TMIGD3: variants seen among roughly 807,000 people sequenced by gnomAD.
The protein encoded by TMIGD3 is transmembrane and immunoglobulin domain containing 3.
A neutral mutation model predicts 28.1 loss-of-function variants in TMIGD3; 21 were observed. The ratio of observed to expected loss-of-function variants is 0.75; its 90% CI spans 0.53 to 1.08. The LOEUF is 1.08. Ranked by LOEUF, TMIGD3 falls within the 50% of genes least tolerant of loss-of-function variation. The probability of loss-of-function intolerance (pLI) is 0.00; values close to 1 mark genes in which losing one functional copy is unlikely to be tolerated. For synonymous variants in TMIGD3, 151 were observed against 162.1 expected (o/e 0.93, Z 0.52); for missense variants, 416 against 435.6 (o/e 0.96, Z 0.40).
intron 1 of TMIGD3, among the ~76,000 whole-genome samples, chr1:111,511,961 T>A (rs771663082): frequency 1.3e-5 from 2 of 152,140 alleles, no homozygotes; most frequent in African/African-American, 2.4e-5. Context: ...GAGTAAGATG[T>A]AACACCAGAG....
chr1:111,506,524 G>T (rs1440577788), upstream of TMIGD3, among the ~76,000 whole-genome samples: 1 of 152,258 alleles, frequency 6.6e-6, no homozygotes, highest in Non-Finnish European at 1.5e-5. Flanking sequence ...GGCGAAGCCA[G>T]CATTCAAACC....
At chr1:111,550,702 C>T (rs539753709) in intron 1 of TMIGD3, among the ~76,000 whole-genome samples, 1 of 152,330 alleles carries the variant, frequency 6.6e-6, no homozygotes, top group Non-Finnish European at 1.5e-5. Flanking sequence ...CACTATGTTG[C>T]CCAGCAGGCC....
rs895761196 is a variant in TMIGD3, at chr1:111,489,637, CG to C, written c.458-614del. On this transcript the variant is annotated intron_variant, in intron 2 of 5. Transcript: ENST00000369716. ...ATGGAGGCCTCCTACCATTGCTTGA[CG>C]GAGGGCCTTGAAGAGCCTGAGGCTT... 7.0e-6 allele frequency: 8 copies of C among 1,136,492 alleles called. No homozygotes were observed. In the Middle Eastern group the frequency reaches 7.4e-4, roughly 104 times the overall value. The allele number at this position is 1,136,492 out of a possible 1,614,324, so 70.4% of individuals were successfully genotyped here. A position where few individuals can be genotyped will look rare whatever the true frequency, so the allele number is the denominator to read the frequency against.
At chr1:111,522,949 C>T (rs533561030) in intron 1 of TMIGD3, among the ~76,000 whole-genome samples, 169 of 152,312 alleles carry the variant, frequency 1.1e-3, no homozygotes, top group African/African-American at 3.8e-3. Flanking sequence ...AAGTCATACT[C>T]ATCCCTTTTC....
chr1:111,532,222 G>T (rs1656481585), intron 1 of TMIGD3, among the ~76,000 whole-genome samples: 1 of 151,966 alleles, frequency 6.6e-6, no homozygotes, highest in South Asian at 2.1e-4. Context: ...TCTCTCTCTG[G>T]GTACAACTCT....
intron 1 of TMIGD3, among the ~76,000 whole-genome samples, chr1:111,548,679 G>A (rs1188164532): frequency 1.3e-5 from 2 of 152,124 alleles, no homozygotes. Flanking sequence ...AAATGGATGT[G>A]GATGGTCTGC....
At chr1:111,495,240 G>A (rs1654837437) in intron 1 of TMIGD3, among the ~76,000 whole-genome samples, 2 of 152,128 alleles carry the variant, frequency 1.3e-5, no homozygotes, top group Non-Finnish European at 2.9e-5. Flanking sequence ...CTAATATCCA[G>A]CATCTATAAG....
chr1:111,532,419 A>G (rs1656488277), intron 1 of TMIGD3, among the ~76,000 whole-genome samples: 1 of 152,182 alleles, frequency 6.6e-6, no homozygotes, highest in African/African-American at 2.4e-5. Flanking sequence ...TCTCATTTGC[A>G]CTCGCCAGAA....
At chr1:111,500,647 G>T in intron 1 of TMIGD3, 4 of 1,239,128 alleles carry the variant, frequency 3.2e-6, no homozygotes. Context: ...AGAGAGGTGA[G>T]ATAAGGCATA....
At chr1:111,507,007 A>ATGTGTG (rs1491528638), upstream of TMIGD3, among the ~76,000 whole-genome samples, 2 of 79,768 alleles carry the variant, frequency 2.5e-5, no homozygotes, top group East Asian at 4.4e-4. Context: ...ATACACACAC[A>ATGTGTG]TATGTGTGTG....
At chr1:111,548,386 T>G (rs1456693527) in intron 1 of TMIGD3, among the ~76,000 whole-genome samples, 1 of 152,224 alleles carries the variant, frequency 6.6e-6, no homozygotes, top group Non-Finnish European at 1.5e-5. Context: ...ATCATACTGG[T>G]AAAACTATAT....
upstream of TMIGD3, among the ~76,000 whole-genome samples, chr1:111,506,011 C>G (rs1429861685): frequency 6.6e-6 from 1 of 152,174 alleles, no homozygotes; most frequent in Non-Finnish European, 1.5e-5. Flanking sequence ...TGCACACACT[C>G]TTTGTCTGGT....
chr1:111,506,122 T>C (rs1337330955), upstream of TMIGD3, among the ~76,000 whole-genome samples: 1 of 152,172 alleles, frequency 6.6e-6, no homozygotes, highest in African/African-American at 2.4e-5. Flanking sequence ...AGTCTTCACC[T>C]CTCCTCTGGG....
At chr1:111,491,393 C>G (rs1246469815) in intron 1 of TMIGD3, among the ~76,000 whole-genome samples, 1 of 152,242 alleles carries the variant, frequency 6.6e-6, no homozygotes, top group Non-Finnish European at 1.5e-5. Flanking sequence ...AGCAGCTTCT[C>G]CTGATTCTAA....
intron 1 of TMIGD3, among the ~76,000 whole-genome samples, chr1:111,561,953 T>C (rs1179432829): frequency 2.6e-5 from 4 of 152,142 alleles, no homozygotes; most frequent in African/African-American, 9.7e-5. Context: ...CCCTCCCTAC[T>C]GACACCAGGT....
At chr1:111,489,335 A>C (rs1654543718) in intron 2 of TMIGD3, 1 of 342,260 alleles carries the variant, frequency 2.9e-6, no homozygotes, top group Middle Eastern at 8.5e-4. Flanking sequence ...TATAAAAAGG[A>C]GAGATTAAGA....
intron 5 of TMIGD3, among the ~76,000 whole-genome samples, chr1:111,484,261 A>G (rs1654253373): frequency 6.6e-6 from 1 of 152,246 alleles, no homozygotes; most frequent in African/African-American, 2.4e-5. Flanking sequence ...CCATGGACAC[A>G]GATGGCATTT....
At chr1:111,525,855 C>T (rs1051304512) in intron 1 of TMIGD3, among the ~76,000 whole-genome samples, 1 of 152,134 alleles carries the variant, frequency 6.6e-6, no homozygotes, top group Non-Finnish European at 1.5e-5. Context: ...CAGAGCGAGA[C>T]TCTGTCTCAA....
intron 1 of TMIGD3, among the ~76,000 whole-genome samples, chr1:111,547,481 G>A (rs1214010565): frequency 1.3e-5 from 2 of 152,012 alleles, no homozygotes; most frequent in East Asian, 1.9e-4. Flanking sequence ...TGAAAATGGA[G>A]TTAAAAAATA....
Sources: allele counts gnomAD v4.1 joint callset (sites outside exome capture counted in the v4.1 genomes callset), GRCh38; gene constraint gnomAD v4.1.1; transcripts MANE v1.5; gene names NCBI Gene and HGNC (gene_info 2026-07-23, HGNC 2026-07-21).